Variants in PEX5L observed in about 807,000 individuals in gnomAD.
PEX5L encodes the protein peroxisomal biogenesis factor 5 like, also known as PEX5-related protein.
PEX5L carries 30 observed loss-of-function variants against 84.0 expected under a neutral mutation model. The observed-to-expected ratio is 0.36, with a 90% CI of 0.27 to 0.48. The LOEUF (loss-of-function observed/expected upper bound fraction) is 0.48, where lower values mean the gene tolerates loss of function less well. PEX5L is among the 20% of genes least tolerant of loss of function. The probability of loss-of-function intolerance (pLI) is 0.99; values close to 1 mark genes in which losing one functional copy is unlikely to be tolerated. For missense variants in PEX5L, 533 were observed against 754.6 expected (o/e 0.71, Z 3.44); for synonymous variants, 270 against 283.1 (o/e 0.95, Z 0.46).
At chr3:179,957,630 TA>T (rs1429684963) in intron 2 of PEX5L, among the ~76,000 whole-genome samples, 1 of 152,170 alleles carries the variant, frequency 6.6e-6, no homozygotes, top group Non-Finnish European at 1.5e-5. Context: ...AGCACAGAAA[TA>T]TACTCCCATA....
chr3:179,922,898 A>T (rs926875654), intron 2 of PEX5L, among the ~76,000 whole-genome samples: 1 of 152,228 alleles, frequency 6.6e-6, no homozygotes, highest in Admixed American at 6.5e-5. Context: ...TTCATGAAAA[A>T]GAATTTCATA....
chr3:179,959,052 A>G (rs1781347127), intron 2 of PEX5L, among the ~76,000 whole-genome samples: 1 of 97,374 alleles, frequency 1.0e-5, no homozygotes, highest in Non-Finnish European at 2.2e-5. Context: ...ACAAACAAAA[A>G]CAAAACCGAA....
intron 7 of PEX5L, among the ~76,000 whole-genome samples, chr3:179,867,645 T>C (rs1346307913): frequency 2.0e-5 from 3 of 152,172 alleles, no homozygotes; most frequent in Non-Finnish European, 2.9e-5. Flanking sequence ...GATTTCAGCT[T>C]TAGTCTAACT....
At chr3:179,888,300 C>T (rs1002447189) in intron 3 of PEX5L, 4 of 391,564 alleles carry the variant, frequency 1.0e-5, no homozygotes, top group South Asian at 2.0e-5. Flanking sequence ...AAAAACACAC[C>T]CTCTACATTT....
At chr3:179,900,546 A>G (rs1052907317) in intron 2 of PEX5L, 23 of 667,578 alleles carry the variant, frequency 3.4e-5, no homozygotes, top group Admixed American at 5.4e-5. Flanking sequence ...TCACTAAAAC[A>G]AAAACAAAAA....
chr3:179,895,527 T>C lies in PEX5L; in HGVS notation c.198+2615A>G, dbSNP rs151151479. 9 of 152,286 alleles carry C rather than the reference T, an allele frequency of 5.9e-5. No homozygotes were observed. The East Asian group carries it at 1.7e-3, about 29-fold the overall frequency. The allele number at this position is 152,286 out of a possible 1,614,324, so 9.4% of individuals were successfully genotyped here. A position where few individuals can be genotyped will look rare whatever the true frequency, so the allele number is the denominator to read the frequency against. On this transcript the variant is annotated intron_variant, in intron 3 of 14. Coordinates refer to ENST00000467460, the MANE Select transcript of PEX5L (RefSeq NM_016559.3). Reference sequence around the variant, plus strand: ...AAGTCCTTGCATATTGTTTGCTTAATATGGAATGAATGATTATTTTAAGCA... The same window carrying C: ...AAGTCCTTGCATATTGTTTGCTTAACATGGAATGAATGATTATTTTAAGCA...
chr3:179,798,579 C>G lies in PEX5L; in HGVS notation c.*3249G>C, dbSNP rs921976519. On this transcript the variant is annotated 3_prime_UTR_variant, in exon 15 of 15. Coordinates refer to ENST00000467460, the MANE Select transcript of PEX5L (RefSeq NM_016559.3). ...AGGCGAAGTCAGTCCCTGGAAGTCA[C>G]CTGTATGTAACTGAAGTCACCCGTA... 1 of 152,172 alleles carries G rather than the reference C, an allele frequency of 6.6e-6. No homozygotes were observed. The highest frequency in any genetic ancestry group is 2.4e-5 in the African/African-American group (1 of 41,452). 9.4% of individuals were successfully genotyped at this position (152,172 alleles called of 1,614,324 possible).
intron 2 of PEX5L, among the ~76,000 whole-genome samples, chr3:179,917,171 C>G (rs1767479396): frequency 6.6e-6 from 1 of 151,990 alleles, no homozygotes; most frequent in South Asian, 2.1e-4. Context: ...CCTAGGCCTA[C>G]ACAGGGTCAG....
intron 8 of PEX5L, among the ~76,000 whole-genome samples, chr3:179,826,824 C>A (rs1002531311): frequency 6.6e-6 from 1 of 152,102 alleles, no homozygotes; most frequent in Non-Finnish European, 1.5e-5. Flanking sequence ...TTTACTAAGC[C>A]TAAACTACAT....
intron 8 of PEX5L, among the ~76,000 whole-genome samples, chr3:179,822,389 T>C (rs3821794): frequency 0.67 from 102,082 of 152,110 alleles, 34,927 homozygotes; most frequent in African/African-American, 0.79. Context: ...TTTGGAAAAC[T>C]GAGAGAACCT....
At chr3:180,023,941 C>T (rs1381093550) in intron 1 of PEX5L, among the ~76,000 whole-genome samples, 1 of 151,344 alleles carries the variant, frequency 6.6e-6, no homozygotes, top group African/African-American at 2.5e-5. Flanking sequence ...TGCAGATTGG[C>T]TGTGCAAAGA....
At chr3:179,868,602 G>GT (rs1477915197) in intron 7 of PEX5L, among the ~76,000 whole-genome samples, 1 of 152,134 alleles carries the variant, frequency 6.6e-6, no homozygotes, top group African/African-American at 2.4e-5. Flanking sequence ...TAGAGAATCT[G>GT]TATTAATGCA....
intron 1 of PEX5L, among the ~76,000 whole-genome samples, chr3:179,976,286 A>G (rs1430004875): frequency 6.6e-6 from 1 of 152,208 alleles, no homozygotes; most frequent in African/African-American, 2.4e-5. Flanking sequence ...CTTTCAATGT[A>G]TTTGGCATTT....
At chr3:179,902,812 A>G in intron 2 of PEX5L, 1 of 372,426 alleles carries the variant, frequency 2.7e-6, no homozygotes. Context: ...ACTCTCAACA[A>G]TTATCCAGAG....
intron 4 of PEX5L, among the ~76,000 whole-genome samples, chr3:179,883,872 T>C (rs1025512160): frequency 6.6e-6 from 1 of 152,210 alleles, no homozygotes; most frequent in Non-Finnish European, 1.5e-5. Context: ...TATCTACAGC[T>C]CTTGGAACAG....
At position 179,880,067 on chromosome 3, in the gene PEX5L, T is replaced by C; in HGVS notation, c.367A>G (p.Thr123Ala). ...DLSEPVSQTQ[T>A]KAKKSEPSSK... ...GAGGGCTCTGACTTCTTGGCTTTGG[T>C]TTGGGTTTGAGAGACTGGTTCACTC... The change falls in exon 5 of 15, where the codon ACC becomes GCC. Residue 123 changes from threonine to alanine, a missense_variant. By Grantham distance (58) the Thr-to-Ala change is moderately conservative. Around this residue, in one of 8 missense-constraint regions of PEX5L, gnomAD observed 259 missense variants for 301.7 expected, o/e 0.86. Transcript: ENST00000467460. 1 of 1,613,928 alleles carries C rather than the reference T, an allele frequency of 6.2e-7. No homozygotes were observed. Among genetic ancestry groups the C allele is most frequent in the Non-Finnish European group, 8.5e-7 (1 of 1,179,902 alleles).
intron 2 of PEX5L, among the ~76,000 whole-genome samples, chr3:179,958,081 CT>C (rs1477032604): frequency 2.0e-5 from 3 of 151,982 alleles, no homozygotes; most frequent in Middle Eastern, 3.4e-3. Flanking sequence ...CTCAAGAATA[CT>C]TTTTTTTGGG....
At chr3:179,973,143 T>C (rs1019172084) in intron 1 of PEX5L, 2 of 1,246,048 alleles carry the variant, frequency 1.6e-6, no homozygotes, top group Non-Finnish European at 1.0e-6. Context: ...TTCCAAATAT[T>C]GATCTGTATA....
In PEX5L at chr3:179,879,988, G is replaced by A. The variant is rs777000912; in HGVS notation, c.446C>T (p.Thr149Met). 58 of 1,613,394 alleles carry A rather than the reference G, an allele frequency of 3.6e-5. No individual in the cohort carries two copies. The highest frequency in any genetic ancestry group is 5.3e-5 in the African/African-American group (4 of 74,892). The change falls in exon 5 of 15, where the codon ACG becomes ATG. Residue 149 changes from threonine (T) to methionine (M), a missense_variant. By Grantham distance (81) the Thr-to-Met change is moderately conservative. Coordinates refer to ENST00000467460, the MANE Select transcript of PEX5L (RefSeq NM_016559.3). ...KKADGSDLIS[T>M]DAEQRGQPLR... Reference sequence around the variant, plus strand: ...AGGCTGGCCTCTCTGCTCAGCATCCGTGCTGATGAGGTCAGATCCATCGGC... The same window carrying A: ...AGGCTGGCCTCTCTGCTCAGCATCCATGCTGATGAGGTCAGATCCATCGGC...
Sources: gnomAD v4.1 joint callset for allele counts (sites outside exome capture counted in the v4.1 genomes callset) on GRCh38, gnomAD v4.1.1 for gene constraint, gnomAD v4.1.1 regional missense constraint, MANE v1.5 for transcripts, NCBI Gene and HGNC (gene_info 2026-07-23, HGNC 2026-07-21) for gene names.